Variants in NRG1 observed in about 807,000 individuals in gnomAD.
The protein encoded by NRG1 is pro-neuregulin-1, membrane-bound isoform.
In NRG1, 18 loss-of-function variants were observed where a neutral mutation model predicts 63.8. The observed-to-expected ratio is 0.28, with a 90% CI of 0.19 to 0.42. The LOEUF (loss-of-function observed/expected upper bound fraction) is 0.42. NRG1 is among the 10% of genes least tolerant of loss of function. NRG1 has a pLI of 1.00. For missense variants in NRG1, 762 were observed against 814.7 expected (o/e 0.94, Z 0.79); for synonymous variants, 302 against 301.3 (o/e 1.00, Z -0.02).
intron 1 of NRG1, among the ~76,000 whole-genome samples, chr8:32,253,147 A>T (rs1010306409): frequency 2.0e-5 from 3 of 152,222 alleles, no homozygotes; most frequent in Admixed American, 2.0e-4. Context: ...ACAAACAGAG[A>T]CAATTTGACT....
chr8:32,481,995 C>G (rs181696306), intron 1 of NRG1, among the ~76,000 whole-genome samples: 4 of 152,272 alleles, frequency 2.6e-5, no homozygotes, highest in Admixed American at 2.6e-4. Context: ...ACCCTGAATA[C>G]TAAGATGAGT....
chr8:32,689,573 C>T (rs1224597488), intron 5 of NRG1, among the ~76,000 whole-genome samples: 3 of 152,036 alleles, frequency 2.0e-5, no homozygotes, highest in Non-Finnish European at 2.9e-5. Flanking sequence ...GCAGTGAGGT[C>T]TCTTTTTTGG....
intron 5 of NRG1, among the ~76,000 whole-genome samples, chr8:32,720,074 A>T (rs1226578909): frequency 6.6e-6 from 1 of 151,788 alleles, no homozygotes; most frequent in Non-Finnish European, 1.5e-5. Flanking sequence ...CTCTCTTTTG[A>T]CCTTTCAGCT....
rs576746094 is a variant in NRG1 at position 32,698,139 on chromosome 8, G to A, written c.503-29810G>A. On this transcript the variant is annotated intron_variant, in intron 5 of 11. Coordinates refer to ENST00000356819, the Ensembl canonical transcript of NRG1. Reference sequence around the variant, plus strand: ...GAGAATCACTTGAACCCAGGAGGCAGAGGTTGCAGTGAGCCGAGATTGCAC... The same window carrying A: ...GAGAATCACTTGAACCCAGGAGGCAAAGGTTGCAGTGAGCCGAGATTGCAC... Among the ~76,000 whole-genome samples, 353 of 151,908 alleles carry A rather than the reference G, an allele frequency of 2.3e-3. 2 individuals carry two copies. The highest frequency in any genetic ancestry group is 5.8e-3 in the Admixed American group (88 of 15,262).
chr8:31,757,678 G>T (rs986037958), intron 1 of NRG1, among the ~76,000 whole-genome samples: 1 of 152,070 alleles, frequency 6.6e-6, no homozygotes, highest in African/African-American at 2.4e-5. Context: ...ACCCTGTAGA[G>T]GGGGAATGCA....
intron 1 of NRG1, among the ~76,000 whole-genome samples, chr8:31,644,998 A>G (rs1804156036): frequency 6.6e-6 from 1 of 152,164 alleles, no homozygotes; most frequent in South Asian, 2.1e-4. Flanking sequence ...TACCACCCCA[A>G]AATAGTGCAA....
At chr8:31,641,738 C>T (rs1279631753) in intron 1 of NRG1, 1 of 152,132 alleles carries the variant, frequency 6.6e-6, no homozygotes, top group Non-Finnish European at 1.5e-5. Flanking sequence ...TCACAAATTC[C>T]AACATGCATA....
intron 1 of NRG1, among the ~76,000 whole-genome samples, chr8:32,140,922 C>G (rs1044002265): frequency 6.6e-5 from 10 of 151,730 alleles, no homozygotes; most frequent in African/African-American, 2.4e-4. Context: ...ACCTTTGAGC[C>G]CTTAAGTTTA....
At chr8:31,820,683 A>G (rs922566825) in intron 1 of NRG1, among the ~76,000 whole-genome samples, 6 of 152,026 alleles carry the variant, frequency 3.9e-5, no homozygotes, top group Non-Finnish European at 5.9e-5. Context: ...GAACTTATCT[A>G]AACCAATTAG....
intron 5 of NRG1, among the ~76,000 whole-genome samples, chr8:32,627,601 C>A (rs531924227): frequency 5.0e-4 from 76 of 152,266 alleles, no homozygotes; most frequent in African/African-American, 1.8e-3. Flanking sequence ...AGCCACCATA[C>A]CCAGCTTGCA....
At chr8:32,704,813 G>T (rs1351115132) in intron 5 of NRG1, among the ~76,000 whole-genome samples, 2 of 152,202 alleles carry the variant, frequency 1.3e-5, no homozygotes, top group African/African-American at 2.4e-5. Flanking sequence ...TTACAGACAG[G>T]TTTTATTGGT....
At chr8:32,302,956 C>A (rs377186915) in intron 1 of NRG1, among the ~76,000 whole-genome samples, 1 of 151,984 alleles carries the variant, frequency 6.6e-6, no homozygotes, top group Non-Finnish European at 1.5e-5. Flanking sequence ...CCGAGGAGGG[C>A]GGATCACCTG....
intron 1 of NRG1, among the ~76,000 whole-genome samples, chr8:31,680,937 C>A (rs549345074): frequency 6.6e-6 from 1 of 151,958 alleles, no homozygotes. Context: ...CTGTGTACTA[C>A]TATAAAAATA....
chr8:31,702,526 A>C (rs1413919055), intron 1 of NRG1, among the ~76,000 whole-genome samples: 1 of 150,648 alleles, frequency 6.6e-6, no homozygotes, highest in Non-Finnish European at 1.5e-5. Context: ...GCTTAGTCCT[A>C]GTTAATTGTT....
At chr8:32,588,442 C>T (rs10094034) in intron 1 of NRG1, among the ~76,000 whole-genome samples, 4,754 of 152,244 alleles carry the variant, frequency 0.031, 256 homozygotes, top group African/African-American at 0.11. Context: ...GTAAAATCCC[C>T]CACCAAAGGA....
At chr8:32,150,471 G>A (rs527495308) in intron 1 of NRG1, among the ~76,000 whole-genome samples, 1 of 152,280 alleles carries the variant, frequency 6.6e-6, no homozygotes, top group Non-Finnish European at 1.5e-5. Flanking sequence ...TCTTATAAAA[G>A]AGGTTGAAGA....
At chr8:32,306,462 T>C (rs572326831) in intron 1 of NRG1, among the ~76,000 whole-genome samples, 2 of 152,200 alleles carry the variant, frequency 1.3e-5, no homozygotes, top group Non-Finnish European at 2.9e-5. Context: ...TATAGTGAGT[T>C]ACCAGCTGGG....
intron 1 of NRG1, chr8:32,192,242 G>A (rs1408745706): frequency 6.6e-6 from 1 of 152,192 alleles, no homozygotes; most frequent in East Asian, 1.9e-4. Context: ...TCATTACTGG[G>A]TATATATCCA....
At chr8:32,743,597 A>ATATATATATATAT (rs1335040311) in intron 7 of NRG1, among the ~76,000 whole-genome samples, 534 of 36,934 alleles carry the variant, frequency 0.014, 3 homozygotes, top group South Asian at 0.027. Context: ...TATATATATA[A>ATATATATATATAT]AACTTAATAA....
Sources: gnomAD v4.1 joint callset for allele counts (sites outside exome capture counted in the v4.1 genomes callset) on GRCh38, gnomAD v4.1.1 for gene constraint, MANE v1.5 for transcripts, NCBI Gene and HGNC (gene_info 2026-07-23, HGNC 2026-07-21) for gene names.